The following UTRN variants were observed in gnomAD, a reference collection of about 807,000 sequenced individuals.
The protein encoded by UTRN is dystrophin-related protein 1.
A neutral mutation model predicts 463.9 loss-of-function variants in UTRN; 283 were observed. The observed-to-expected ratio is 0.61, with a 90% CI of 0.55 to 0.67. The LOEUF (loss-of-function observed/expected upper bound fraction) is 0.67, where lower values mean the gene tolerates loss of function less well. Among genes scored for constraint, UTRN ranks in the 30% least tolerant of loss-of-function variants. The probability of loss-of-function intolerance (pLI) is 0.00; values close to 1 mark genes in which losing one functional copy is unlikely to be tolerated. For missense variants in UTRN, 3,922 were observed against 4,084.3 expected (o/e 0.96, Z 1.08); for synonymous variants, 1,442 against 1,431.5 (o/e 1.01, Z -0.17).
At chr6:144,536,062 G>A (rs1228664107) in intron 43 of UTRN, among the ~76,000 whole-genome samples, 1 of 152,182 alleles carries the variant, frequency 6.6e-6, no homozygotes, top group Non-Finnish European at 1.5e-5. Context: ...TTACAGCCGT[G>A]AGCCACCATG....
intron 51 of UTRN, among the ~76,000 whole-genome samples, chr6:144,664,013 G>A (rs771948377): frequency 1.3e-5 from 2 of 152,170 alleles, no homozygotes; most frequent in Non-Finnish European, 2.9e-5. Flanking sequence ...GGCCGAATGG[G>A]AGGATACAGA....
chr6:144,345,410 C>G (rs1050624517), intron 2 of UTRN, among the ~76,000 whole-genome samples: 1 of 152,182 alleles, frequency 6.6e-6, no homozygotes, highest in African/African-American at 2.4e-5. Context: ...CACAATGGCT[C>G]ATACCTGTAA....
intron 58 of UTRN, among the ~76,000 whole-genome samples, chr6:144,766,974 G>A (rs1793430442): frequency 6.6e-6 from 1 of 152,064 alleles, no homozygotes; most frequent in Non-Finnish European, 1.5e-5. Flanking sequence ...TAACAGACTG[G>A]CAGTTGGAGG....
intron 3 of UTRN, among the ~76,000 whole-genome samples, chr6:144,414,134 A>T (rs1031302774): frequency 2.0e-5 from 3 of 152,002 alleles, no homozygotes; most frequent in Non-Finnish European, 2.9e-5. Flanking sequence ...CTCATTAAAA[A>T]AAAAAAAAGT....
chr6:144,509,274 CTA>C (rs1443778006), intron 34 of UTRN, among the ~76,000 whole-genome samples: 1 of 151,974 alleles, frequency 6.6e-6, no homozygotes, highest in Non-Finnish European at 1.5e-5. Flanking sequence ...TCCTACATAT[CTA>C]TTTTTATTGC....
At chr6:144,762,177 G>A (rs1157865194) in intron 58 of UTRN, among the ~76,000 whole-genome samples, 1 of 152,152 alleles carries the variant, frequency 6.6e-6, no homozygotes, top group African/African-American at 2.4e-5. Context: ...CACGCTTACA[G>A]CTTGCTTGAG....
chr6:144,474,900 CAA>C, intron 25 of UTRN, 141 bp downstream of exon 25: 10 of 846,484 alleles, frequency 1.2e-5, no homozygotes, highest in Admixed American at 3.3e-5. Context: ...GAGCTGGGGC[CAA>C]AAAAAAAGGC....
chr6:144,742,355 C>A (rs574529637), intron 54 of UTRN, among the ~76,000 whole-genome samples: 1 of 152,118 alleles, frequency 6.6e-6, no homozygotes, highest in African/African-American at 2.4e-5. Flanking sequence ...ATGGTCAGGG[C>A]CCTCTCAAAC....
At chr6:144,828,754 G>C (rs1391366844) in intron 68 of UTRN, 36 bp from the exon 69 acceptor site, 2 of 1,598,626 alleles carry the variant, frequency 1.3e-6, no homozygotes, top group African/African-American at 1.3e-5. Context: ...GTCCTATATG[G>C]CCATGTTGTC....
At chr6:144,437,447 A>T in intron 10 of UTRN, 118 bp from the exon 11 acceptor site, 1 of 1,010,348 alleles carries the variant, frequency 9.9e-7, no homozygotes, top group Non-Finnish European at 1.4e-6. Context: ...TTTGCGCTCT[A>T]CTAGGCTACC....
At chr6:144,427,860 G>T (rs754837808) in intron 7 of UTRN, among the ~76,000 whole-genome samples, 25 of 152,148 alleles carry the variant, frequency 1.6e-4, no homozygotes, top group Non-Finnish European at 3.2e-4. Flanking sequence ...CTTAGTTCTC[G>T]TGGAGCTTAT....
At chr6:144,697,345 T>A (rs2128696033) in intron 52 of UTRN, among the ~76,000 whole-genome samples, 1 of 152,296 alleles carries the variant, frequency 6.6e-6, no homozygotes, top group East Asian at 1.9e-4. Context: ...TTATCAATAG[T>A]CTTAGAGAAA....
intron 2 of UTRN, among the ~76,000 whole-genome samples, chr6:144,321,880 C>T (rs982403774): frequency 3.3e-5 from 5 of 151,994 alleles, no homozygotes; most frequent in Non-Finnish European, 7.4e-5. Context: ...TCTCCTGCCT[C>T]GGCCTCCCGA....
rs745880869 is a variant in UTRN at position 144,461,345 on chromosome 6, A to G, written c.2853+3A>G. The G allele has an allele frequency of 1.2e-5, 19 of 1,556,106 alleles. No individual in the cohort carries two copies. The African/African-American group carries it at 1.9e-4, about 16-fold the overall frequency. ...AGAAGGCCCTGCAAGAAAAAAAGGT[A>G]ACATATATCTTCCATGTTAGAACTC... On this transcript the variant is annotated splice_donor_region_variant and intron_variant, in intron 22 of 74. Transcript: ENST00000367545.
chr6:144,700,507 A>G (rs1423965690), intron 53 of UTRN, among the ~76,000 whole-genome samples: 1 of 152,150 alleles, frequency 6.6e-6, no homozygotes, highest in African/African-American at 2.4e-5. Context: ...AAGTTTATCT[A>G]AATTTCTAAT....
chr6:144,350,999 A>G (rs1208542250), intron 2 of UTRN, among the ~76,000 whole-genome samples: 1 of 152,166 alleles, frequency 6.6e-6, no homozygotes, highest in African/African-American at 2.4e-5. Flanking sequence ...ACATTTTCGT[A>G]TACTGATAAA....
At chr6:144,471,711 G>T (rs1790679368) in intron 23 of UTRN, among the ~76,000 whole-genome samples, 1 of 152,188 alleles carries the variant, frequency 6.6e-6, no homozygotes, top group Non-Finnish European at 1.5e-5. Context: ...GGACCTGTGG[G>T]AATAGTGTCA....
chr6:144,487,792 C>A (rs867219523), intron 29 of UTRN, 95 bp downstream of exon 29: 15 of 1,279,098 alleles, frequency 1.2e-5, no homozygotes, highest in Middle Eastern at 4.6e-4. Flanking sequence ...TTGGAAAAAT[C>A]TTTAATGTTG....
chr6:144,513,337 G>A (rs1281372270), intron 35 of UTRN, among the ~76,000 whole-genome samples: 1 of 152,222 alleles, frequency 6.6e-6, no homozygotes, highest in African/African-American at 2.4e-5. Context: ...TGGATCACAA[G>A]GTCAAGAGAT....
Sources: gnomAD v4.1 joint callset for allele counts (sites outside exome capture counted in the v4.1 genomes callset) on GRCh38, gnomAD v4.1.1 for gene constraint, MANE v1.5 for transcripts, NCBI Gene and HGNC (gene_info 2026-07-23, HGNC 2026-07-21) for gene names.